Variants in ALMS1 observed in about 807,000 individuals in gnomAD.
The protein encoded by ALMS1 is centrosome-associated protein ALMS1.
In ALMS1, 271 loss-of-function variants were observed where a neutral mutation model predicts 352.2. The ratio of observed to expected loss-of-function variants is 0.77; its 90% confidence interval spans 0.70 to 0.85. The LOEUF is 0.85. ALMS1 is among the 40% of genes least tolerant of loss of function. ALMS1 has a pLI of 0.00. For missense variants in ALMS1, 5,445 were observed against 4,870.7 expected, an observed-to-expected ratio of 1.12 and a Z score of -3.51; for synonymous variants, 1,865 against 1,761.2, an observed-to-expected ratio of 1.06 and a Z score of -1.48.
intron 16 of ALMS1, among the ~76,000 whole-genome samples, chr2:73,598,061 A>G (rs115288438): frequency 2.0e-5 from 3 of 152,236 alleles, no homozygotes; most frequent in Non-Finnish European, 4.4e-5. Context: ...TGTCAAATGC[A>G]AGATGTACCA....
At chr2:73,426,639 C>G in intron 6 of ALMS1, 86 bp downstream of exon 6, 1 of 1,375,530 alleles carries the variant, frequency 7.3e-7, no homozygotes, top group Non-Finnish European at 1.0e-6. Flanking sequence ...TTTTATTTTA[C>G]TTTTTACTGT....
rs555343293 is a variant in ALMS1 at position 73,406,436 on chromosome 2, GT to G, written c.325-2169del. Among the ~76,000 whole-genome samples the G allele has an allele frequency of 8.2e-3, 999 of 122,018 alleles. 5 individuals are homozygous for G. Among genetic ancestry groups the G allele is most frequent in the Middle Eastern group, 0.017 (4 of 234 alleles). 80.0% of individuals were successfully genotyped at this position (122,018 alleles called of 152,430 possible). On this transcript the variant is annotated intron_variant, in intron 1 of 22. Coordinates refer to ENST00000613296, the MANE Select transcript of ALMS1 (RefSeq NM_001378454.1). Reference sequence around the variant, plus strand: ...TGGGTCCTGTTTTTTAATCCTATGGGTTTTTTTTTTTTTTTTTGGTAATTTC... The same window carrying G: ...TGGGTCCTGTTTTTTAATCCTATGGGTTTTTTTTTTTTTTTTGGTAATTTC...
intron 12 of ALMS1, among the ~76,000 whole-genome samples, chr2:73,547,884 C>A (rs1674354247): frequency 6.6e-6 from 1 of 151,988 alleles, no homozygotes; most frequent in Non-Finnish European, 1.5e-5. Context: ...ACAGTGTTAT[C>A]TATAGAGATA....
intron 1 of ALMS1, among the ~76,000 whole-genome samples, chr2:73,392,798 A>T (rs1670677870): frequency 6.6e-6 from 1 of 152,136 alleles, no homozygotes; most frequent in South Asian, 2.1e-4. Context: ...GTATAATGCT[A>T]CCGTAGACAT....
chr2:73,465,602 C>G (rs2103826898), intron 9 of ALMS1, among the ~76,000 whole-genome samples: 1 of 152,148 alleles, frequency 6.6e-6, no homozygotes, highest in Admixed American at 6.5e-5. Flanking sequence ...TCTAAAACAC[C>G]AAAAGCAATG....
At chr2:73,420,722 A>G (rs904874076) in intron 3 of ALMS1, among the ~76,000 whole-genome samples, 6 of 152,230 alleles carry the variant, frequency 3.9e-5, no homozygotes, top group African/African-American at 1.2e-4. Flanking sequence ...GTAAAGTTTT[A>G]TAACTCTGGC....
At position 73,585,726 on chromosome 2, in the gene ALMS1, CT is replaced by C. The variant is rs58089734; in HGVS notation, c.11547+12317del. Reference sequence around the variant, plus strand: ...ATCATTTTTGCATACACTTCTTGGCCTTTTTTTTTTTTTTTCCCCGAGACGG... The same window carrying C: ...ATCATTTTTGCATACACTTCTTGGCCTTTTTTTTTTTTTTCCCCGAGACGG... On this transcript the variant is annotated intron_variant, in intron 16 of 22. Transcript: ENST00000613296. Among the ~76,000 whole-genome samples the C allele has an allele frequency of 1.3e-3, 157 of 119,486 alleles. 1 individual carries two copies. The highest frequency in any genetic ancestry group is 2.3e-3 in the East Asian group (10 of 4,270). The allele number at this position is 119,486 out of a possible 152,430, so 78.4% of individuals were successfully genotyped here.
At chr2:73,550,133 T>C in intron 12 of ALMS1, 134 bp from the exon 13 acceptor site, 5 of 860,658 alleles carry the variant, frequency 5.8e-6, no homozygotes, top group Non-Finnish European at 9.0e-6. Context: ...GTGCTGGGAT[T>C]ACAGGCATGA....
At chr2:73,553,121 GAA>G (rs1349100435) in intron 13 of ALMS1, among the ~76,000 whole-genome samples, 1 of 152,060 alleles carries the variant, frequency 6.6e-6, no homozygotes, top group Non-Finnish European at 1.5e-5. Context: ...AAACTGATTT[GAA>G]AAGAGATTCT....
chr2:73,577,663 T>C (rs1361945341), intron 16 of ALMS1, among the ~76,000 whole-genome samples: 1 of 152,180 alleles, frequency 6.6e-6, no homozygotes, highest in East Asian at 1.9e-4. Context: ...ATTTCTTCTT[T>C]GACCATTGAC....
At chr2:73,521,837 T>G (rs1443563544) in intron 11 of ALMS1, among the ~76,000 whole-genome samples, 2 of 152,222 alleles carry the variant, frequency 1.3e-5, no homozygotes, top group African/African-American at 2.4e-5. Context: ...TCATATAAAC[T>G]TTTTATCAAA....
intron 1 of ALMS1, among the ~76,000 whole-genome samples, chr2:73,395,871 G>A (rs1289982808): frequency 1.3e-5 from 2 of 152,086 alleles, no homozygotes; most frequent in African/African-American, 2.4e-5. Flanking sequence ...CCTGATCTTA[G>A]GGCAGGGGTG....
intron 11 of ALMS1, among the ~76,000 whole-genome samples, chr2:73,531,921 CAT>C (rs1673924298): frequency 6.6e-6 from 1 of 152,230 alleles, no homozygotes; most frequent in Non-Finnish European, 1.5e-5. Flanking sequence ...GAACCACACT[CAT>C]AATCTAATCA....
intron 9 of ALMS1, among the ~76,000 whole-genome samples, chr2:73,486,373 T>C (rs10187192): frequency 0.26 from 39,597 of 152,090 alleles, 5,689 homozygotes; most frequent in African/African-American, 0.38. Flanking sequence ...AAGTAAGTCC[T>C]GGGTTCCTCA....
At chr2:73,508,604 T>G (rs1307971003) in intron 10 of ALMS1, among the ~76,000 whole-genome samples, 3 of 152,190 alleles carry the variant, frequency 2.0e-5, no homozygotes, top group African/African-American at 7.2e-5. Flanking sequence ...AGGAGTGTTT[T>G]ACTTCCAATT....
intron 9 of ALMS1, among the ~76,000 whole-genome samples, chr2:73,479,191 G>A (rs1443139600): frequency 1.3e-5 from 2 of 152,072 alleles, no homozygotes; most frequent in Non-Finnish European, 2.9e-5. Flanking sequence ...AGTTTCACAT[G>A]TGATAAATAA....
At chr2:73,530,414 A>G (rs1673884187) in intron 11 of ALMS1, among the ~76,000 whole-genome samples, 1 of 152,212 alleles carries the variant, frequency 6.6e-6, no homozygotes, top group South Asian at 2.1e-4. Context: ...TCCATGTCAT[A>G]CATCCAGGGC....
chr2:73,500,868 A>G (rs562093644), intron 10 of ALMS1, among the ~76,000 whole-genome samples: 11 of 152,274 alleles, frequency 7.2e-5, no homozygotes, highest in African/African-American at 2.2e-4. Context: ...CATGTAGTCT[A>G]TCTAGGTTTT....
chr2:73,605,543 A>AT (rs759658126), intron 21 of ALMS1, among the ~76,000 whole-genome samples: 1 of 152,192 alleles, frequency 6.6e-6, no homozygotes, highest in Non-Finnish European at 1.5e-5. Context: ...CTTGCAACTA[A>AT]TTTTTAAGAA....
Sources: gnomAD v4.1 joint callset for allele counts (sites outside exome capture counted in the v4.1 genomes callset) on GRCh38, gnomAD v4.1.1 for gene constraint, MANE v1.5 for transcripts, NCBI Gene and HGNC (gene_info 2026-07-23, HGNC 2026-07-21) for gene names.